CAMK2B: variants seen among roughly 807,000 people sequenced by gnomAD.
CAMK2B encodes the protein calcium/calmodulin dependent protein kinase II beta.
In CAMK2B, 27 loss-of-function variants were observed where a neutral mutation model predicts 93.7. That is an observed-to-expected ratio of 0.29 (90% CI 0.21 to 0.40). CAMK2B has a LOEUF of 0.40. CAMK2B is among the 10% of genes least tolerant of loss of function. CAMK2B has a pLI of 1.00. For synonymous variants in CAMK2B, 374 were observed against 358.8 expected (o/e 1.04, Z -0.48); for missense variants, 568 against 895.8 (o/e 0.63, Z 4.67).
At chr7:44,258,022 G>A (rs1282147037) in intron 4 of CAMK2B, among the ~76,000 whole-genome samples, 2 of 152,282 alleles carry the variant, frequency 1.3e-5, no homozygotes, top group Non-Finnish European at 2.9e-5. Context: ...AGGCCTATGG[G>A]CCCTTGCCCA....
At position 44,218,487 on chromosome 7, in the gene CAMK2B, C is replaced by T. The variant is rs1043061589; in HGVS notation, c.*1038G>A. 1 of 152,280 alleles carries T rather than the reference C, an allele frequency of 6.6e-6. No homozygotes were observed. The highest frequency in any genetic ancestry group is 1.9e-4 in the East Asian group (1 of 5,194). The allele number at this position is 152,280 out of a possible 1,614,324, so 9.4% of individuals were successfully genotyped here. ...CGCAGTCCTTTGTCAAAAGTCTGCT[C>T]CCCCTTGCGGGCTGCAGAGAAGCCG... On this transcript the variant is annotated 3_prime_UTR_variant, in exon 24 of 24. Transcript: ENST00000395749.
intron 2 of CAMK2B, chr7:44,268,025 T>G (rs945577842): frequency 2.0e-5 from 3 of 152,264 alleles, no homozygotes; most frequent in Admixed American, 1.3e-4. Context: ...GCACAACAGG[T>G]AGGGCCAAGT....
chr7:44,273,485 G>A (rs1457202636), intron 2 of CAMK2B, among the ~76,000 whole-genome samples: 1 of 152,124 alleles, frequency 6.6e-6, no homozygotes, highest in Non-Finnish European at 1.5e-5. Context: ...CCCCCCACAG[G>A]GCAGGCACAG....
At chr7:44,238,284 C>T (rs941536901) in intron 13 of CAMK2B, among the ~76,000 whole-genome samples, 2 of 152,212 alleles carry the variant, frequency 1.3e-5, no homozygotes, top group Non-Finnish European at 2.9e-5. Flanking sequence ...ACATGCAGGG[C>T]CTCATGCACC....
At chr7:44,294,790 A>T (rs1248406453) in intron 1 of CAMK2B, among the ~76,000 whole-genome samples, 1 of 152,076 alleles carries the variant, frequency 6.6e-6, no homozygotes, top group Non-Finnish European at 1.5e-5. Flanking sequence ...CCTCTCTAAG[A>T]TCAAACAGAA....
At chr7:44,226,416 C>T (rs1455691757) in intron 20 of CAMK2B, 100 bp downstream of exon 20, 3 of 1,007,614 alleles carry the variant, frequency 3.0e-6, no homozygotes, top group Admixed American at 3.8e-5. Context: ...GCCCCGCCCT[C>T]CTCCGCAAGA....
intron 13 of CAMK2B, among the ~76,000 whole-genome samples, chr7:44,237,214 G>A (rs1282139662): frequency 3.3e-5 from 5 of 152,252 alleles, no homozygotes; most frequent in South Asian, 2.1e-4. Flanking sequence ...TAGGCCCATC[G>A]GCGGGGCTGG....
chr7:44,234,510 C>A, intron 14 of CAMK2B, 49 bp from the exon 15 acceptor site: 1 of 1,577,130 alleles, frequency 6.3e-7, no homozygotes, highest in Non-Finnish European at 8.6e-7. Context: ...GCCCCTCACT[C>A]GCCATTCCCT....
At chr7:44,285,701 G>A (rs2129110909) in intron 1 of CAMK2B, among the ~76,000 whole-genome samples, 1 of 151,884 alleles carries the variant, frequency 6.6e-6, no homozygotes, top group Middle Eastern at 3.4e-3. Flanking sequence ...AGCAGTCACT[G>A]TGCTTGGGCG....
At chr7:44,231,141 T>A in intron 16 of CAMK2B, 87 bp from the exon 17 acceptor site, 14 of 929,050 alleles carry the variant, frequency 1.5e-5, no homozygotes, top group African/African-American at 1.7e-5. Flanking sequence ...GCTGGGCCTG[T>A]GTCAGGACCA....
chr7:44,317,646 C>CT (rs33918663), intron 1 of CAMK2B, among the ~76,000 whole-genome samples: 1 of 151,766 alleles, frequency 6.6e-6, no homozygotes, highest in African/African-American at 2.4e-5. Context: ...TCACCTGTTT[C>CT]TTTTTTTTCT....
At position 44,225,558 on chromosome 7, in the gene CAMK2B, A is replaced by G. The variant is rs1365489317; in HGVS notation, c.1597+958T>C. Among the ~76,000 whole-genome samples, 2 of 152,136 alleles carry G rather than the reference A, an allele frequency of 1.3e-5. No homozygotes were observed. Among genetic ancestry groups the G allele is most frequent in the East Asian group, 3.9e-4 (2 of 5,138 alleles). ...AAGCTCTGGGGGTGAGTACCCCTCC[A>G]GGGGCTGCCCCCTGCTCTCTCGGGC... On this transcript the variant is annotated intron_variant, in intron 20 of 23. Coordinates refer to ENST00000395749, the MANE Select transcript of CAMK2B (RefSeq NM_001220.5). This position sits in a 1 kb window ranked among gnomAD's most constrained non-coding sequence, Gnocchi z 5.0.
intron 2 of CAMK2B, among the ~76,000 whole-genome samples, chr7:44,283,482 C>T (rs551550853): frequency 1.4e-4 from 22 of 152,362 alleles, no homozygotes; most frequent in Non-Finnish European, 2.4e-4. Flanking sequence ...GGGGCCAGCA[C>T]CACTCAAGGC....
chr7:44,282,563 C>G (rs1253263513), intron 2 of CAMK2B, among the ~76,000 whole-genome samples: 3 of 152,248 alleles, frequency 2.0e-5, no homozygotes, highest in Admixed American at 2.0e-4. Context: ...CCCTTCGTGG[C>G]TCAGTGACGA....
chr7:44,230,776 G>A (rs922712388), intron 17 of CAMK2B, among the ~76,000 whole-genome samples: 2 of 152,148 alleles, frequency 1.3e-5, no homozygotes, highest in East Asian at 1.9e-4. Context: ...ACTTGGATGC[G>A]GTGACCGAGA....
chr7:44,229,753 C>T, intron 17 of CAMK2B: 1 of 408,038 alleles, frequency 2.5e-6, no homozygotes, highest in Non-Finnish European at 4.3e-6. Flanking sequence ...CAGGGCAGCA[C>T]AGGCCAGTGC....
chr7:44,281,218 T>C (rs1438815668), intron 2 of CAMK2B, among the ~76,000 whole-genome samples: 1 of 152,184 alleles, frequency 6.6e-6, no homozygotes, highest in Admixed American at 6.5e-5. Flanking sequence ...CAGGTCTCAG[T>C]TTCAAGCCTG....
In CAMK2B at chr7:44,241,621, C is replaced by G; in HGVS notation, c.903+79G>C. The G allele has an allele frequency of 3.5e-6, 4 of 1,134,832 alleles. No individual in the cohort carries two copies. The South Asian group carries it at 5.2e-5, about 15-fold the overall frequency. The allele number at this position is 1,134,832 out of a possible 1,614,324, so 70.3% of individuals were successfully genotyped here. ...CAGTAACCCCTAGGTCTGCCCAGAC[C>G]CCCCAAGGCCCCCCTGCTCCAGCCC... is the stretch of plus-strand genomic sequence containing the variant. On this transcript the variant is annotated intron_variant, in intron 11 of 23. Transcript: ENST00000395749.
At chr7:44,274,564 T>G (rs2097013453) in intron 2 of CAMK2B, among the ~76,000 whole-genome samples, 1 of 152,224 alleles carries the variant, frequency 6.6e-6, no homozygotes, top group African/African-American at 2.4e-5. Flanking sequence ...CCCCTTCTCC[T>G]TCCATCGGTG....
Sources: gnomAD v4.1 joint callset for allele counts (sites outside exome capture counted in the v4.1 genomes callset) on GRCh38, gnomAD v4.1.1 for gene constraint, Gnocchi (gnomAD v3.1) non-coding constraint, MANE v1.5 for transcripts, NCBI Gene and HGNC (gene_info 2026-07-23, HGNC 2026-07-21) for gene names.